PDZRN4: variants seen among roughly 807,000 people sequenced by gnomAD.
The protein encoded by PDZRN4 is PDZ domain containing ring finger 4.
PDZRN4 carries 70 observed loss-of-function variants against 99.0 expected under a neutral mutation model. The ratio of observed to expected loss-of-function variants is 0.71; its 90% CI spans 0.58 to 0.86. The LOEUF is 0.86. Ranked by LOEUF, PDZRN4 falls within the 40% of genes least tolerant of loss-of-function variation. The pLI, the probability that PDZRN4 is intolerant of heterozygous loss-of-function variation, is 0.00. For synonymous variants in PDZRN4, 551 were observed against 501.6 expected (o/e 1.10, Z -1.32); for missense variants, 1,474 against 1,331.2 (o/e 1.11, Z -1.67).
chr12:41,398,240 AAG>A (rs1952264572), intron 3 of PDZRN4, among the ~76,000 whole-genome samples: 2 of 152,176 alleles, frequency 1.3e-5, no homozygotes, highest in Non-Finnish European at 2.9e-5. Context: ...GGCATTGGGA[AAG>A]AGTGGATTAA....
chr12:41,354,515 T>C (rs1226704193), intron 3 of PDZRN4, among the ~76,000 whole-genome samples: 1 of 151,904 alleles, frequency 6.6e-6, no homozygotes, highest in African/African-American at 2.4e-5. Context: ...AAACAAATAC[T>C]GGCTACATTT....
chr12:41,397,146 C>G (rs1327720453), intron 3 of PDZRN4, among the ~76,000 whole-genome samples: 2 of 152,122 alleles, frequency 1.3e-5, no homozygotes, highest in African/African-American at 2.4e-5. Flanking sequence ...AAAGATAACT[C>G]TATTTCTAAA....
intron 3 of PDZRN4, among the ~76,000 whole-genome samples, chr12:41,329,489 T>TAATTCAGCCATCTTAGTC (rs1951730158): frequency 6.6e-6 from 1 of 152,138 alleles, no homozygotes; most frequent in Non-Finnish European, 1.5e-5. Flanking sequence ...TCTGCTTAGT[T>TAATTCAGCCATCTTAGTC]AATTCAGCCA....
chr12:41,533,911 TTGAC>T (rs1327821052), intron 5 of PDZRN4, among the ~76,000 whole-genome samples: 3 of 152,204 alleles, frequency 2.0e-5, no homozygotes, highest in African/African-American at 4.8e-5. Flanking sequence ...TGTGAATTGA[TTGAC>T]TATTTTTCTC....
intron 5 of PDZRN4, among the ~76,000 whole-genome samples, chr12:41,513,022 T>G (rs978184470): frequency 3.3e-5 from 5 of 152,062 alleles, no homozygotes; most frequent in African/African-American, 1.2e-4. Context: ...TTAGGTGCCT[T>G]TTTAAAGACC....
intron 3 of PDZRN4, among the ~76,000 whole-genome samples, chr12:41,389,204 G>A (rs2121115315): frequency 6.6e-6 from 1 of 152,220 alleles, no homozygotes; most frequent in South Asian, 2.1e-4. Context: ...AAAGGCCCAT[G>A]ATAAGATATA....
chr12:41,229,533 C>T (rs1280068408), intron 3 of PDZRN4, among the ~76,000 whole-genome samples: 3 of 152,070 alleles, frequency 2.0e-5, no homozygotes, highest in African/African-American at 7.2e-5. Context: ...CTCCCTCAGT[C>T]CATGACCTTT....
chr12:41,409,059 A>G (rs1411841300), intron 3 of PDZRN4, among the ~76,000 whole-genome samples: 2 of 152,300 alleles, frequency 1.3e-5, no homozygotes, highest in East Asian at 3.9e-4. Flanking sequence ...ATTTTAAAAG[A>G]GGAGATTGAT....
intron 3 of PDZRN4, among the ~76,000 whole-genome samples, chr12:41,290,024 T>A (rs1951447326): frequency 6.6e-6 from 1 of 152,190 alleles, no homozygotes; most frequent in African/African-American, 2.4e-5. Flanking sequence ...GGCTATCTAC[T>A]GATTTGTGAG....
intron 3 of PDZRN4, chr12:41,411,974 C>CTATA (rs1952403462): frequency 6.6e-6 from 1 of 152,150 alleles, no homozygotes; most frequent in Admixed American, 6.6e-5. Context: ...CCGGTGTCTG[C>CTATA]TATACATTTA....
intron 3 of PDZRN4, among the ~76,000 whole-genome samples, chr12:41,220,939 T>C (rs558229373): frequency 2.6e-5 from 4 of 152,298 alleles, no homozygotes; most frequent in African/African-American, 9.6e-5. Context: ...CAGTTATGGC[T>C]GAGGCAACAT....
chr12:41,501,056 A>G (rs1423134491), intron 3 of PDZRN4, among the ~76,000 whole-genome samples: 1 of 152,148 alleles, frequency 6.6e-6, no homozygotes, highest in Non-Finnish European at 1.5e-5. Context: ...CCAGAATTAT[A>G]ATACACAAGT....
At chr12:41,345,016 C>A (rs1224308787) in intron 3 of PDZRN4, among the ~76,000 whole-genome samples, 1 of 152,038 alleles carries the variant, frequency 6.6e-6, no homozygotes, top group African/African-American at 2.4e-5. Context: ...ACATTTCAGG[C>A]TCTTAGGCAT....
intron 3 of PDZRN4, among the ~76,000 whole-genome samples, chr12:41,408,362 G>A (rs1952364761): frequency 6.6e-6 from 1 of 152,280 alleles, no homozygotes; most frequent in African/African-American, 2.4e-5. Context: ...AGCACAACAG[G>A]TTTTTATTTT....
chr12:41,542,267 A>G (rs1938870537), intron 5 of PDZRN4, among the ~76,000 whole-genome samples: 1 of 152,334 alleles, frequency 6.6e-6, no homozygotes, highest in African/African-American at 2.4e-5. Flanking sequence ...AAGCAGCACT[A>G]TAGACATTAC....
At chr12:41,543,499 G>T (rs1041735641) in intron 5 of PDZRN4, among the ~76,000 whole-genome samples, 8 of 152,118 alleles carry the variant, frequency 5.3e-5, no homozygotes, top group African/African-American at 1.9e-4. Flanking sequence ...TACAGTCCAA[G>T]AAACAGAAGA....
At chr12:41,353,240 T>C (rs1527087) in intron 3 of PDZRN4, among the ~76,000 whole-genome samples, 148,785 of 152,166 alleles carry the variant, frequency 0.98, 72,857 homozygotes, top group Middle Eastern at 1. Flanking sequence ...TTGATGGTTT[T>C]ATTAGTTAAT....
chr12:41,251,502 A>T (rs562583709), intron 3 of PDZRN4, among the ~76,000 whole-genome samples: 47 of 152,294 alleles, frequency 3.1e-4, no homozygotes, highest in African/African-American at 1.0e-3. Flanking sequence ...ATTTTAGCAG[A>T]GTTAATATTG....
chr12:41,475,871 C>G (rs1281909089), intron 3 of PDZRN4, among the ~76,000 whole-genome samples: 2 of 152,146 alleles, frequency 1.3e-5, no homozygotes, highest in Admixed American at 1.3e-4. Flanking sequence ...CTTTTGACCT[C>G]CGGGAGTAAA....
Sources: gnomAD v4.1 joint callset for allele counts (sites outside exome capture counted in the v4.1 genomes callset) on GRCh38, gnomAD v4.1.1 for gene constraint, MANE v1.5 for transcripts, NCBI Gene and HGNC (gene_info 2026-07-23, HGNC 2026-07-21) for gene names.